Variants in RELL1 observed in about 807,000 individuals in gnomAD.
RELL1 encodes the protein RELT like 1, also known as RELT-like protein 1.
Under a neutral mutation model 23.0 loss-of-function variants are expected in RELL1, and 10 were observed. The ratio of observed to expected loss-of-function variants is 0.43; its 90% confidence interval spans 0.27 to 0.74. RELL1 has a LOEUF of 0.74. Among genes scored for constraint, RELL1 ranks in the 30% least tolerant of loss-of-function variants. The pLI is 0.19. For missense variants in RELL1, 315 were observed against 364.4 expected (o/e 0.86, Z 1.10); for synonymous variants, 146 against 146.8 (o/e 0.99, Z 0.04).
intron 1 of RELL1, among the ~76,000 whole-genome samples, chr4:37,668,192 A>G (rs981157271): frequency 5.9e-5 from 9 of 151,824 alleles, no homozygotes; most frequent in Admixed American, 4.6e-4. Flanking sequence ...TATGCACAGA[A>G]AAAAAGGAAC....
At chr4:37,610,561 A>G (rs557159293), downstream of RELL1, among the ~76,000 whole-genome samples, 81 of 152,316 alleles carry the variant, frequency 5.3e-4, 1 homozygote, top group South Asian at 9.1e-3. The surrounding 1 kb of genome is among the most constrained non-coding windows in gnomAD (Gnocchi z 4.1). Context: ...ATTAAGCTCA[A>G]TAATTATACT....
chr4:37,596,734 ATATTTTTTTTTTTT>A lies in RELL1; in HGVS notation c.*4-5531_*4-5518del, dbSNP rs1305287578. On this transcript the variant is annotated intron_variant, in intron 6 of 6. Transcript: ENST00000314117. ...CATATATATATATATATATATATAT[ATATTTTTTTTTTTT>A]TTTTTTTTTTTTTTTTTGAGATGGA... Among the ~76,000 whole-genome samples, 5 of 15,318 alleles carry A rather than the reference ATATTTTTTTTTTTT, an allele frequency of 3.3e-4. 1 individual carries two copies. The highest frequency in any genetic ancestry group is 6.5e-4 in the African/African-American group (4 of 6,124). 10.0% of individuals were successfully genotyped at this position (15,318 alleles called of 152,430 possible).
intron 1 of RELL1, among the ~76,000 whole-genome samples, chr4:37,650,549 G>A (rs1362105396): frequency 1.3e-5 from 2 of 152,196 alleles, no homozygotes; most frequent in South Asian, 2.1e-4. Context: ...AGGAAAACAC[G>A]GGGCACTAGA....
Position 37,660,145 on chromosome 4 carries a change from T to C in RELL1, c.89-10645A>G, listed in dbSNP as rs74400705. 0.012 allele frequency among the ~76,000 whole-genome samples: 1,817 copies of C among 152,260 alleles called. 125 individuals carry two copies. The South Asian group carries it at 0.16, about 13-fold the overall frequency. On this transcript the variant is annotated intron_variant, in intron 1 of 6. Coordinates refer to ENST00000454158, the MANE Select transcript of RELL1 (RefSeq NM_001085400.2). Reference sequence around the variant, plus strand: ...CAGTATCTGAGAAGGGTCTATTTTTTGGTCTAGATTACCAAGATGGCTAAA... The same window carrying C: ...CAGTATCTGAGAAGGGTCTATTTTTCGGTCTAGATTACCAAGATGGCTAAA...
Position 37,661,517 on chromosome 4 carries a change from C to A in RELL1, c.89-12017G>T, listed in dbSNP as rs1350224342. On this transcript the variant is annotated intron_variant, in intron 1 of 6. Transcript: ENST00000454158. Reference sequence around the variant, plus strand: ...CTGGTCTCAAATTCCTGAGCTCAGGCAATCCACCCACCTTGGCCTTTCAAA... The same window carrying A: ...CTGGTCTCAAATTCCTGAGCTCAGGAAATCCACCCACCTTGGCCTTTCAAA... 2.6e-5 allele frequency among the ~76,000 whole-genome samples: 4 copies of A among 152,254 alleles called. No individual in the cohort carries two copies. The East Asian group carries it at 7.7e-4, about 29-fold the overall frequency.
rs1268537471 is a variant in RELL1 at position 37,635,169 on chromosome 4, AT to A, written c.444-47del. ...AAAAGAGCAACTGGTTAAAGGAAAT[AT>A]CAGCGAAGGTGATCTCTCTCCCTGT... is the stretch of plus-strand genomic sequence containing the variant. On this transcript the variant is annotated intron_variant, in intron 4 of 6. Coordinates refer to ENST00000454158, the MANE Select transcript of RELL1 (RefSeq NM_001085400.2). The A allele has an allele frequency of 7.5e-6, 11 of 1,462,230 alleles. No individual in the cohort carries two copies. The Admixed American group carries it at 1.2e-4, about 16-fold the overall frequency. 90.6% of individuals were successfully genotyped at this position (1,462,230 alleles called of 1,614,324 possible). A position where few individuals can be genotyped will look rare whatever the true frequency, so the allele number is the denominator to read the frequency against.
intron 6 of RELL1, among the ~76,000 whole-genome samples, chr4:37,614,092 C>T (rs1209980125): frequency 1.3e-5 from 2 of 152,206 alleles, no homozygotes. Flanking sequence ...AAACACTAAA[C>T]AAAACCAGAG....
At chr4:37,599,277 G>T (rs1383475289) in intron 6 of RELL1, among the ~76,000 whole-genome samples, 2 of 152,174 alleles carry the variant, frequency 1.3e-5, no homozygotes, top group African/African-American at 4.8e-5. Context: ...AGGTTTAATG[G>T]GAGGGCCGCT....
At chr4:37,681,807 G>C (rs529667478) in intron 1 of RELL1, among the ~76,000 whole-genome samples, 1 of 152,132 alleles carries the variant, frequency 6.6e-6, no homozygotes, top group Non-Finnish European at 1.5e-5. Context: ...GATTACAGGC[G>C]TGAGCCACTG....
chr4:37,661,430 C>T (rs1478502303), intron 1 of RELL1, among the ~76,000 whole-genome samples: 1 of 152,124 alleles, frequency 6.6e-6, no homozygotes, highest in African/African-American at 2.4e-5. Context: ...CAGGCGCACG[C>T]TGCCACACCT....
intron 3 of RELL1, among the ~76,000 whole-genome samples, chr4:37,642,255 G>A (rs1051148736): frequency 6.6e-6 from 1 of 152,174 alleles, no homozygotes; most frequent in Non-Finnish European, 1.5e-5. Context: ...CTTGCCTAGG[G>A]ATCAGAAGTA....
At chr4:37,593,360 G>A (rs147870930) in intron 6 of RELL1, among the ~76,000 whole-genome samples, 4 of 151,814 alleles carry the variant, frequency 2.6e-5, no homozygotes, top group African/African-American at 4.8e-5. Flanking sequence ...AATGACCCAC[G>A]TATCAATGAC....
chr4:37,624,748 G>C (rs1719885653), intron 6 of RELL1, among the ~76,000 whole-genome samples: 1 of 152,078 alleles, frequency 6.6e-6, no homozygotes, highest in Non-Finnish European at 1.5e-5. Context: ...TATTTCTAAG[G>C]CCTCCTTAAT....
rs114215247 is a variant in RELL1, at chr4:37,682,170, C to T, written c.88+4030G>A. Among the ~76,000 whole-genome samples the T allele has an allele frequency of 5.7e-3, 871 of 152,244 alleles. 6 individuals carry two copies. The highest frequency in any genetic ancestry group is 0.019 in the African/African-American group (799 of 41,534). On this transcript the variant is annotated intron_variant, in intron 1 of 6. Coordinates refer to ENST00000454158, the MANE Select transcript of RELL1 (RefSeq NM_001085400.2). Reference sequence around the variant, plus strand: ...GAAATGATCTAGGTATTTAGACTACCGCCTGCACACAAACCAGGTAATAAT... The same window carrying T: ...GAAATGATCTAGGTATTTAGACTACTGCCTGCACACAAACCAGGTAATAAT...
chr4:37,594,126 TTAAAAG>T (rs1718744348), intron 6 of RELL1, among the ~76,000 whole-genome samples: 1 of 152,214 alleles, frequency 6.6e-6, no homozygotes, highest in Non-Finnish European at 1.5e-5. Flanking sequence ...CAAGAGTTCT[TTAAAAG>T]TAATTCTGGC....
chr4:37,605,240 T>C (rs1407441784), intron 6 of RELL1, among the ~76,000 whole-genome samples: 1 of 152,106 alleles, frequency 6.6e-6, no homozygotes, highest in Non-Finnish European at 1.5e-5. Flanking sequence ...TGTATCCGCA[T>C]GGGTTGGTGT....
At chr4:37,652,797 G>A (rs1006659289) in intron 1 of RELL1, among the ~76,000 whole-genome samples, 14 of 152,152 alleles carry the variant, frequency 9.2e-5, no homozygotes, top group East Asian at 7.7e-4. Context: ...CATAATTATC[G>A]TGCCATGAAA....
chr4:37,644,759 C>T (rs545854834), intron 3 of RELL1, among the ~76,000 whole-genome samples: 216 of 152,170 alleles, frequency 1.4e-3, no homozygotes, highest in Middle Eastern at 3.4e-3. Flanking sequence ...CACGCCCGGC[C>T]GCTACTTTGA....
chr4:37,661,682 A>G (rs1278369820), intron 1 of RELL1, among the ~76,000 whole-genome samples: 2 of 152,224 alleles, frequency 1.3e-5, no homozygotes, highest in South Asian at 2.1e-4. Context: ...AATTATTCCT[A>G]TTTGGTTACA....
Sources: gnomAD v4.1 joint callset for allele counts (sites outside exome capture counted in the v4.1 genomes callset) on GRCh38, gnomAD v4.1.1 for gene constraint, Gnocchi (gnomAD v3.1) non-coding constraint, MANE v1.5 for transcripts, NCBI Gene and HGNC (gene_info 2026-07-23, HGNC 2026-07-21) for gene names.